The following CNTNAP2 variants were observed in gnomAD, a reference collection of about 807,000 sequenced individuals.
CNTNAP2 encodes the protein contactin associated protein 2.
CNTNAP2 carries 98 observed loss-of-function variants against 155.2 expected under a neutral mutation model. The ratio of observed to expected loss-of-function variants is 0.63; its 90% CI spans 0.54 to 0.75. The LOEUF (loss-of-function observed/expected upper bound fraction) is 0.75. Among genes scored for constraint, CNTNAP2 ranks in the 30% least tolerant of loss-of-function variants. The pLI is 0.00. For synonymous variants in CNTNAP2, 651 were observed against 631.2 expected (o/e 1.03, Z -0.47); for missense variants, 1,727 against 1,688.1 (o/e 1.02, Z -0.40).
Position 147,939,551 on chromosome 7 carries a change from A to T in CNTNAP2, c.2255+35830A>T, listed in dbSNP as rs530441887. Among the ~76,000 whole-genome samples the T allele has an allele frequency of 5.3e-5, 8 of 152,210 alleles. No individual in the cohort carries two copies. The South Asian group carries it at 1.7e-3, about 32-fold the overall frequency. On this transcript the variant is annotated intron_variant, in intron 14 of 23. Transcript: ENST00000361727. ...ACCATGTTGGCCAAGCTGGTCTCGA[A>T]TTCCTGACCTTGTGACCCACCCATC...
chr7:146,996,497 C>G, intron 3 of CNTNAP2, among the ~76,000 whole-genome samples: 1 of 151,878 alleles, frequency 6.6e-6, no homozygotes, highest in Admixed American at 6.6e-5. Flanking sequence ...TTCTTGATTT[C>G]TTTTTCAGGT....
At chr7:146,154,638 T>G (rs775914523) in intron 1 of CNTNAP2, among the ~76,000 whole-genome samples, 1 of 152,142 alleles carries the variant, frequency 6.6e-6, no homozygotes, top group Non-Finnish European at 1.5e-5. Flanking sequence ...TCACAAAGCA[T>G]TTACAGCATA....
chr7:147,245,761 CAAA>C (rs34304342), intron 8 of CNTNAP2, among the ~76,000 whole-genome samples: 7 of 85,234 alleles, frequency 8.2e-5, no homozygotes, highest in African/African-American at 1.9e-4. Flanking sequence ...GACTCTGTCT[CAAA>C]AAAAAAAAAA....
chr7:147,597,762 A>C (rs780378343), intron 12 of CNTNAP2, among the ~76,000 whole-genome samples: 1 of 152,206 alleles, frequency 6.6e-6, no homozygotes, highest in African/African-American at 2.4e-5. Flanking sequence ...GGTTGCGAGT[A>C]AGAGTGGGAA....
At chr7:148,364,999 C>T (rs1050137688) in intron 21 of CNTNAP2, among the ~76,000 whole-genome samples, 12 of 152,208 alleles carry the variant, frequency 7.9e-5, no homozygotes, top group Admixed American at 7.8e-4. Flanking sequence ...CACATCTGAA[C>T]ATCAGAAGGG....
intron 1 of CNTNAP2, among the ~76,000 whole-genome samples, chr7:146,215,617 AAT>A (rs199916510): frequency 2.0e-5 from 3 of 149,720 alleles, no homozygotes; most frequent in African/African-American, 4.9e-5. Flanking sequence ...TTATATGAAT[AAT>A]ATATATATAT....
intron 1 of CNTNAP2, among the ~76,000 whole-genome samples, chr7:146,436,305 A>G (rs906703327): frequency 3.9e-5 from 6 of 152,284 alleles, no homozygotes; most frequent in Admixed American, 3.3e-4. Context: ...TGTCTACAAA[A>G]GAGGTATGCT....
intron 8 of CNTNAP2, among the ~76,000 whole-genome samples, chr7:147,279,367 A>T (rs938860495): frequency 2.0e-5 from 3 of 151,846 alleles, no homozygotes; most frequent in African/African-American, 7.2e-5. Flanking sequence ...AGACGTTTGA[A>T]TTCATTATTT....
At chr7:148,053,807 T>C (rs1056354331) in intron 15 of CNTNAP2, among the ~76,000 whole-genome samples, 1 of 152,262 alleles carries the variant, frequency 6.6e-6, no homozygotes, top group African/African-American at 2.4e-5. Flanking sequence ...GTAATAATAA[T>C]TACTGTAAAT....
intron 3 of CNTNAP2, among the ~76,000 whole-genome samples, chr7:146,868,588 T>A (rs28880035): frequency 6.6e-6 from 1 of 152,164 alleles, no homozygotes; most frequent in African/African-American, 2.4e-5. Context: ...AGCATTGAAT[T>A]TGTAAATTGC....
intron 9 of CNTNAP2, among the ~76,000 whole-genome samples, chr7:147,360,657 C>A (rs927309996): frequency 2.6e-5 from 4 of 151,952 alleles, no homozygotes; most frequent in African/African-American, 9.7e-5. Flanking sequence ...ACTCTCTGTA[C>A]CCTCTGTAGA....
chr7:146,598,548 C>T (rs1798898174), intron 1 of CNTNAP2, among the ~76,000 whole-genome samples: 1 of 152,114 alleles, frequency 6.6e-6, no homozygotes, highest in Admixed American at 6.6e-5. Flanking sequence ...CTCAGTCCAA[C>T]AGTCAATTCA....
chr7:147,290,327 T>C (rs539954404), intron 8 of CNTNAP2, among the ~76,000 whole-genome samples: 2 of 152,248 alleles, frequency 1.3e-5, no homozygotes, highest in Admixed American at 1.3e-4. Flanking sequence ...AAAGAGCACT[T>C]CAGTACTATG....
intron 3 of CNTNAP2, among the ~76,000 whole-genome samples, chr7:146,897,566 T>C (rs1015723170): frequency 6.6e-6 from 1 of 152,044 alleles, no homozygotes; most frequent in Non-Finnish European, 1.5e-5. Flanking sequence ...TACACTGATT[T>C]CTTGCTCAGT....
chr7:147,349,717 G>A (rs1483011100), intron 9 of CNTNAP2, among the ~76,000 whole-genome samples: 1 of 151,904 alleles, frequency 6.6e-6, no homozygotes, highest in Non-Finnish European at 1.5e-5. Context: ...TAATAATTCT[G>A]ATGGTTTTAA....
At chr7:147,082,214 G>A (rs1800148634) in intron 4 of CNTNAP2, 1 of 152,150 alleles carries the variant, frequency 6.6e-6, no homozygotes. Flanking sequence ...TTGGTACCAC[G>A]AAGAAAGGAA....
chr7:147,050,852 G>A (rs986162729), intron 4 of CNTNAP2, among the ~76,000 whole-genome samples: 6 of 152,158 alleles, frequency 3.9e-5, no homozygotes, highest in Non-Finnish European at 7.4e-5. Context: ...AGCTTGGAGA[G>A]AGAAACAGTT....
intron 1 of CNTNAP2, among the ~76,000 whole-genome samples, chr7:146,598,327 A>T (rs1440749234): frequency 1.3e-5 from 2 of 151,906 alleles, no homozygotes; most frequent in Non-Finnish European, 2.9e-5. Context: ...AAATAAGAAT[A>T]AAAAAAAGGA....
intron 1 of CNTNAP2, among the ~76,000 whole-genome samples, chr7:146,678,321 A>G (rs1800440469): frequency 6.6e-6 from 1 of 152,014 alleles, no homozygotes. Flanking sequence ...TGATCCACCA[A>G]CCTCAGCCTC....
Sources: gnomAD v4.1 joint callset for allele counts (sites outside exome capture counted in the v4.1 genomes callset) on GRCh38, gnomAD v4.1.1 for gene constraint, MANE v1.5 for transcripts, NCBI Gene and HGNC (gene_info 2026-07-23, HGNC 2026-07-21) for gene names.